The following SLC2A9 variants were observed in gnomAD, a reference collection of about 807,000 sequenced individuals.
SLC2A9 encodes solute carrier family 2 member 9.
In SLC2A9, 39 loss-of-function variants were observed where a neutral mutation model predicts 50.6. The ratio of observed to expected loss-of-function variants is 0.77; its 90% CI spans 0.60 to 1.01. The LOEUF is 1.01. Among genes scored for constraint, SLC2A9 ranks in the 50% least tolerant of loss-of-function variants. The probability of loss-of-function intolerance (pLI) is 0.00; values close to 1 mark genes in which losing one functional copy is unlikely to be tolerated. For missense variants in SLC2A9, 686 were observed against 677.6 expected, an observed-to-expected ratio of 1.01 and a Z score of -0.14; for synonymous variants, 324 against 276.9, an observed-to-expected ratio of 1.17 and a Z score of -1.69.
intron 10 of SLC2A9, chr4:9,879,698 A>G (rs1161473953): frequency 1.0e-6 from 1 of 985,280 alleles, no homozygotes; most frequent in African/African-American, 1.7e-5. Flanking sequence ...CACTCCATTT[A>G]AACACAAACT....
chr4:9,828,529 C>T (rs1053521500), intron 11 of SLC2A9, among the ~76,000 whole-genome samples: 2 of 152,212 alleles, frequency 1.3e-5, no homozygotes, highest in African/African-American at 4.8e-5. Context: ...CCTCTTATTT[C>T]TCTGATCTTA....
At chr4:9,857,511 C>T (rs1730923033) in intron 10 of SLC2A9, among the ~76,000 whole-genome samples, 1 of 152,220 alleles carries the variant, frequency 6.6e-6, no homozygotes, top group Non-Finnish European at 1.5e-5. Context: ...CCCACATCCA[C>T]CTGCCGGCTG....
intron 3 of SLC2A9, among the ~76,000 whole-genome samples, chr4:9,818,332 A>C (rs1254823720): frequency 6.6e-6 from 1 of 152,188 alleles, no homozygotes; most frequent in Non-Finnish European, 1.5e-5. Context: ...TTTTGTTTGG[A>C]TAAAGTATAG....
intron 3 of SLC2A9, among the ~76,000 whole-genome samples, chr4:9,986,781 G>A (rs771256854): frequency 6.6e-6 from 1 of 152,172 alleles, no homozygotes; most frequent in Non-Finnish European, 1.5e-5. Context: ...CTCTGTGTCA[G>A]GACTGCCATC....
Position 9,942,018 on chromosome 4 carries a change from C to T in SLC2A9, c.709G>A (p.Val237Met), listed in dbSNP as rs758655580. The T allele has an allele frequency of 3.1e-6, 5 of 1,614,084 alleles. No homozygotes were observed. Among genetic ancestry groups the T allele is most frequent in the African/African-American group, 2.7e-5 (2 of 74,938 alleles). The change falls in exon 6 of 12, where the codon GTG (valine) becomes ATG (methionine). Residue 237 changes from valine to methionine, a missense_variant. By Grantham distance (21) the Val-to-Met change is conservative. Coordinates refer to ENST00000264784, the MANE Select transcript of SLC2A9 (RefSeq NM_020041.3). ...TGGACAACGGCAGGGACCACAATCA[C>T]TCCAAACAGGTATGGCCAGGTACTC... Reference protein sequence around the residue: ...KESTWPYLFGVIVVPAVVQLL... With the variant: ...KESTWPYLFGMIVVPAVVQLL...
At chr4:10,024,106 C>T (rs1212639897), upstream of SLC2A9, among the ~76,000 whole-genome samples, 1 of 152,190 alleles carries the variant, frequency 6.6e-6, no homozygotes, top group African/African-American at 2.4e-5. Context: ...CTGTGCTCAC[C>T]CTTCAGCACT....
At chr4:9,839,352 G>T (rs758767798) in intron 10 of SLC2A9, among the ~76,000 whole-genome samples, 2 of 152,120 alleles carry the variant, frequency 1.3e-5, no homozygotes, top group Non-Finnish European at 2.9e-5. Flanking sequence ...TGGCTGGGTT[G>T]TGGAGAAAAA....
At chr4:9,806,735 C>A (rs1722168632) in intron 3 of SLC2A9, among the ~76,000 whole-genome samples, 1 of 152,170 alleles carries the variant, frequency 6.6e-6, no homozygotes, top group Admixed American at 6.5e-5. Flanking sequence ...CCTAGCTTCA[C>A]AGCAACCTGG....
chr4:9,928,383 G>T, intron 6 of SLC2A9, among the ~76,000 whole-genome samples: 1 of 152,234 alleles, frequency 6.6e-6, no homozygotes, highest in Non-Finnish European at 1.5e-5. Context: ...AAAAAGAGAT[G>T]TGTCTGTCAT....
At chr4:9,786,048 T>G (rs2108866989) in intron 3 of SLC2A9, among the ~76,000 whole-genome samples, 1 of 152,270 alleles carries the variant, frequency 6.6e-6, no homozygotes, top group South Asian at 2.1e-4. Context: ...TGCAAAGGCT[T>G]GGAAATGGGA....
At chr4:9,815,189 C>T (rs956276087) in intron 3 of SLC2A9, among the ~76,000 whole-genome samples, 3 of 152,130 alleles carry the variant, frequency 2.0e-5, no homozygotes, top group African/African-American at 7.2e-5. Flanking sequence ...CACGCCAGCA[C>T]CAGGGAAAGC....
downstream of SLC2A9, among the ~76,000 whole-genome samples, chr4:9,821,808 TAGATATTTTCCCTC>T (rs1235077648): frequency 6.6e-6 from 1 of 152,246 alleles, no homozygotes. Flanking sequence ...ATAAATTGTG[TAGATATTTTCCCTC>T]AGTATTTGGT....
intron 10 of SLC2A9, among the ~76,000 whole-genome samples, chr4:9,840,403 C>A (rs368341354): frequency 1.9e-3 from 293 of 152,270 alleles, no homozygotes; most frequent in Non-Finnish European, 3.6e-3. Flanking sequence ...AAACAGAATG[C>A]ATTTCAGGCA....
chr4:9,890,042 T>G (rs1351741969), intron 9 of SLC2A9, among the ~76,000 whole-genome samples: 1 of 152,214 alleles, frequency 6.6e-6, no homozygotes, highest in Admixed American at 6.5e-5. Flanking sequence ...GTGCTTTCAG[T>G]GCATTTTCTC....
At chr4:9,936,660 G>A (rs900371476) in intron 6 of SLC2A9, among the ~76,000 whole-genome samples, 6 of 152,194 alleles carry the variant, frequency 3.9e-5, no homozygotes, top group Admixed American at 6.5e-5. Context: ...GAAGGGGCGG[G>A]AAGGCGCTCG....
chr4:9,802,631 G>T (rs1463259529), intron 3 of SLC2A9, among the ~76,000 whole-genome samples: 5 of 144,082 alleles, frequency 3.5e-5, no homozygotes, highest in African/African-American at 1.3e-4. Context: ...GTGTGATCTC[G>T]GCTCACTGCA....
intron 11 of SLC2A9, among the ~76,000 whole-genome samples, chr4:9,828,757 G>A (rs1468487107): frequency 6.6e-6 from 1 of 152,186 alleles, no homozygotes; most frequent in African/African-American, 2.4e-5. Flanking sequence ...TCCCAGCCCT[G>A]CTTCATTGCC....
chr4:9,781,998 G>T lies in SLC2A9; in HGVS notation n.386-1933C>A, dbSNP rs368710755. On this transcript the variant is annotated intron_variant and non_coding_transcript_variant, in intron 3 of 3. Transcript: ENST00000503803. The stretch of plus-strand genomic sequence containing the variant: ...GGGTCGCAGGGCTGAAGTTGGGACC[G>T]CGCACAGACCGCCCCTGCAGTCCAG... The T allele has an allele frequency of 2.4e-4, 348 of 1,426,686 alleles. No individual in the cohort carries two copies. In the African/African-American group the frequency reaches 4.8e-3, roughly 20 times the overall value. 88.4% of individuals were successfully genotyped at this position (1,426,686 alleles called of 1,614,324 possible).
chr4:9,872,252 G>A (rs1358815924), intron 10 of SLC2A9, among the ~76,000 whole-genome samples: 1 of 152,144 alleles, frequency 6.6e-6, no homozygotes, highest in African/African-American at 2.4e-5. Flanking sequence ...GAGCATCCCA[G>A]ACCATCTCTC....
Sources: gnomAD v4.1 joint callset for allele counts (sites outside exome capture counted in the v4.1 genomes callset) on GRCh38, gnomAD v4.1.1 for gene constraint, MANE v1.5 for transcripts, NCBI Gene and HGNC (gene_info 2026-07-23, HGNC 2026-07-21) for gene names.